RBM41: variants seen among roughly 807,000 people sequenced by gnomAD.
RBM41 encodes RNA binding motif protein 41, also known as RNA-binding protein 41.
Under a neutral mutation model 30.8 loss-of-function variants are expected in RBM41, and 14 were observed. The ratio of observed to expected loss-of-function variants is 0.45; its 90% confidence interval spans 0.30 to 0.71. RBM41 has a LOEUF of 0.71. Among genes scored for constraint, RBM41 ranks in the 30% least tolerant of loss-of-function variants. The pLI is 0.08. For missense variants in RBM41, 276 were observed against 326.3 expected (o/e 0.85, Z 1.19); for synonymous variants, 120 against 110.1 (o/e 1.09, Z -0.56).
At chrX:107,116,587 G>A (rs1924892971) in intron 2 of RBM41, 63 bp downstream of exon 2, 2 of 1,179,055 alleles carry the variant, frequency 1.7e-6, no homozygotes, top group Non-Finnish European at 2.3e-6. Context: ...TAGGCTTTAA[G>A]AGAGATCTGT....
chrX:107,076,140 AC>A (rs1658628569), intron 6 of RBM41, among the ~76,000 whole-genome samples: 1 of 109,271 alleles, frequency 9.2e-6, no homozygotes, highest in South Asian at 3.9e-4. Flanking sequence ...ACATAGTGAA[AC>A]CCCATCTCTA....
At chrX:107,104,016 T>C (rs915033818) in intron 5 of RBM41, among the ~76,000 whole-genome samples, 4 of 110,458 alleles carry the variant, frequency 3.6e-5, no homozygotes, top group Non-Finnish European at 7.6e-5. Flanking sequence ...CTGGCTATGG[T>C]GGTAATATGT....
At position 107,065,864 on chromosome X, in the gene RBM41, G is replaced by GA; in HGVS notation, c.*1662dup. The GA allele has an allele frequency of 1.3e-6, 1 of 769,758 alleles. No individual in the cohort carries two copies. Among genetic ancestry groups the GA allele is most frequent in the African/African-American group, 2.2e-5 (1 of 46,063 alleles). The allele number at this position is 769,758 out of a possible 1,213,427, so 63.4% of individuals were successfully genotyped here. Reference sequence around the variant, plus strand: ...GTTTTACATTAGTTAAGAGAAAAAAGAAAAATGCATAGATTGTTTCTGATA... The same window carrying GA: ...GTTTTACATTAGTTAAGAGAAAAAAGAAAAAATGCATAGATTGTTTCTGATA... On this transcript the variant is annotated 3_prime_UTR_variant, in exon 8 of 8. Coordinates refer to ENST00000685964, the MANE Select transcript of RBM41 (RefSeq NM_001324242.2).
intron 1 of RBM41, among the ~76,000 whole-genome samples, chrX:107,117,956 G>A (rs1013252370): frequency 9.0e-6 from 1 of 111,586 alleles, no homozygotes; most frequent in Non-Finnish European, 1.9e-5. Flanking sequence ...AAATATTAAA[G>A]GTTAGTTTCA....
At chrX:107,083,169 AG>A (rs1476999001) in intron 6 of RBM41, among the ~76,000 whole-genome samples, 2 of 89,239 alleles carry the variant, frequency 2.2e-5, no homozygotes, top group Non-Finnish European at 4.1e-5. Context: ...TCACTTTTGA[AG>A]GATTTTTTTT....
chrX:107,105,890 T>C (rs906124462), intron 5 of RBM41, among the ~76,000 whole-genome samples: 7 of 111,692 alleles, frequency 6.3e-5, no homozygotes, highest in Middle Eastern at 4.2e-3. Context: ...AAGACTTACA[T>C]GTTAGACCTA....
At chrX:107,057,316 T>G (rs1440409181), downstream of RBM41, among the ~76,000 whole-genome samples, 1 of 112,168 alleles carries the variant, frequency 8.9e-6, no homozygotes, top group East Asian at 2.8e-4. Context: ...ACTTTAAAAA[T>G]ATGCATTTGA....
chrX:107,109,805 A>G (rs1287922701), intron 5 of RBM41, among the ~76,000 whole-genome samples: 2 of 111,246 alleles, frequency 1.8e-5, no homozygotes, highest in African/African-American at 6.5e-5. Flanking sequence ...CTGTGTTTTA[A>G]TTTACCTCAA....
At chrX:107,053,400 G>A in the RBM41 span, among the ~76,000 whole-genome samples, 1 of 113,205 alleles carries the variant, frequency 8.8e-6, no homozygotes. Context: ...AGCTGGTTGT[G>A]TCTATAGTAT....
intron 6 of RBM41, chrX:107,070,126 G>C (rs1935998888): frequency 9.9e-5 from 28 of 283,650 alleles, no homozygotes; most frequent in South Asian, 9.0e-4. Flanking sequence ...GTTAAAATAA[G>C]GCAAATCAGT....
At chrX:107,054,598 A>G in the RBM41 span, among the ~76,000 whole-genome samples, 2 of 111,520 alleles carry the variant, frequency 1.8e-5, no homozygotes, top group Middle Eastern at 9.1e-3. Context: ...CGTACCTGGG[A>G]ATCTGTATTT....
In RBM41 at chrX:107,101,467, T is replaced by C. The variant is rs759147990; in HGVS notation, c.595+11930A>G. Reference sequence around the variant, plus strand: ...GTGAAGTCACAGGGTAGGCTCTGAGTCCAATGACTGATGTCCTTATAAGAA... The same window carrying C: ...GTGAAGTCACAGGGTAGGCTCTGAGCCCAATGACTGATGTCCTTATAAGAA... On this transcript the variant is annotated intron_variant, in intron 5 of 7. Coordinates refer to ENST00000685964, the MANE Select transcript of RBM41 (RefSeq NM_001324242.2). Among the ~76,000 whole-genome samples, 5 of 111,106 alleles carry C rather than the reference T, an allele frequency of 4.5e-5. No homozygotes were observed. The South Asian group carries it at 1.5e-3, about 34-fold the overall frequency.
chrX:107,118,643 G>T, intron 1 of RBM41, 123 bp downstream of exon 1: 2 of 923,393 alleles, frequency 2.2e-6, no homozygotes, highest in East Asian at 3.1e-5. Flanking sequence ...TCGTGTTCCC[G>T]CTCCCACGAA....
At chrX:107,085,190 G>A (rs916180443) in intron 6 of RBM41, among the ~76,000 whole-genome samples, 1 of 110,555 alleles carries the variant, frequency 9.0e-6, no homozygotes. Flanking sequence ...GTTCTTGGAA[G>A]TGGTTGTATT....
Position 107,065,530 on chromosome X carries a change from T to C in RBM41, c.*1997A>G. ...CCCGCTTTGTGGTATTATTGTTATA[T>C]ATGTTATTCCTATACATTACAAACC... On this transcript the variant is annotated 3_prime_UTR_variant, in exon 8 of 8. Coordinates refer to ENST00000685964, the MANE Select transcript of RBM41 (RefSeq NM_001324242.2). The C allele has an allele frequency of 3.5e-6, 1 of 286,711 alleles. No individual in the cohort carries two copies. The highest frequency in any genetic ancestry group is 6.0e-6 in the Non-Finnish European group (1 of 165,301). The allele number at this position is 286,711 out of a possible 1,213,427, so 23.6% of individuals were successfully genotyped here. A position where few individuals can be genotyped will look rare whatever the true frequency, so the allele number is the denominator to read the frequency against.
chrX:107,088,798 G>A lies in RBM41; in HGVS notation c.637C>T (p.Leu213=), dbSNP rs2147604521. The part of the protein sequence containing the change: ...KKNKGDPMNN[L]ESFYQEMIMK... ...ATCATCTCTTGGTAAAAACTTTCCA[G>A]GTTGTTCATGGGATCACCTTTGTTC... Residue 213 remains leucine, a synonymous_variant, in exon 6 of 8, where the codon CTG becomes TTG. Transcript: ENST00000685964. The A allele has an allele frequency of 8.3e-7, 1 of 1,210,041 alleles. No individual in the cohort carries two copies. The highest frequency in any genetic ancestry group is 1.7e-5 in the African/African-American group (1 of 57,621).
intron 1 of RBM41, among the ~76,000 whole-genome samples, chrX:107,117,584 T>C (rs1924977882): frequency 8.9e-6 from 1 of 111,765 alleles, no homozygotes; most frequent in African/African-American, 3.3e-5. Context: ...ATGGAATAAA[T>C]GATTTGGGAA....
chrX:107,058,298 A>C (rs1333912538), downstream of RBM41, among the ~76,000 whole-genome samples: 1 of 60,258 alleles, frequency 1.7e-5, no homozygotes, highest in Admixed American at 1.9e-4. Context: ...CGTCTCAAAA[A>C]AAAAAAAAAA....
chrX:107,099,422 A>T (rs183794974), intron 5 of RBM41, among the ~76,000 whole-genome samples: 4 of 111,871 alleles, frequency 3.6e-5, no homozygotes, highest in African/African-American at 1.3e-4. Flanking sequence ...TATTGTTTTG[A>T]TAGATGCCTA....
Sources: allele counts gnomAD v4.1 joint callset (sites outside exome capture counted in the v4.1 genomes callset), GRCh38; gene constraint gnomAD v4.1.1; transcripts MANE v1.5; gene names NCBI Gene and HGNC (gene_info 2026-07-23, HGNC 2026-07-21).